Variants in NKTR observed in about 807,000 individuals in gnomAD.
NKTR encodes natural killer cell triggering receptor.
NKTR carries 67 observed loss-of-function variants against 156.3 expected under a neutral mutation model. The observed-to-expected ratio is 0.43, with a 90% CI of 0.35 to 0.53. NKTR has a LOEUF of 0.53. Ranked by LOEUF, NKTR falls within the 20% of genes least tolerant of loss-of-function variation. NKTR has a pLI of 0.01. For missense variants in NKTR, 1,604 were observed against 1,730.9 expected (o/e 0.93, Z 1.30); for synonymous variants, 640 against 596.6 (o/e 1.07, Z -1.06).
At chr3:42,642,946 G>A (rs940030789) in intron 14 of NKTR, among the ~76,000 whole-genome samples, 27 of 152,190 alleles carry the variant, frequency 1.8e-4, no homozygotes, top group Non-Finnish European at 4.4e-5. Flanking sequence ...GGACCAAGAG[G>A]AAGAAGTATA....
intron 2 of NKTR, among the ~76,000 whole-genome samples, chr3:42,605,951 A>G (rs865803678): frequency 2.0e-4 from 31 of 152,214 alleles, no homozygotes; most frequent in Non-Finnish European, 3.8e-4. Context: ...AAGGAGCACA[A>G]TTTTAATTAG....
intron 10 of NKTR, 37 bp downstream of exon 10, chr3:42,633,772 C>T: frequency 6.2e-7 from 1 of 1,611,230 alleles, no homozygotes; most frequent in Non-Finnish European, 8.5e-7. Flanking sequence ...TTTTATTTCT[C>T]CGATAACACT....
chr3:42,607,634 G>C (rs181324900), intron 2 of NKTR, among the ~76,000 whole-genome samples: 4 of 152,256 alleles, frequency 2.6e-5, no homozygotes, highest in African/African-American at 7.2e-5. Flanking sequence ...CAGTAAACTA[G>C]AAGGAACTCA....
chr3:42,624,073 C>T (rs938656567), intron 6 of NKTR, among the ~76,000 whole-genome samples: 5 of 152,050 alleles, frequency 3.3e-5, no homozygotes, highest in Non-Finnish European at 7.4e-5. Context: ...CTAAAAACTC[C>T]CCCTTCCTTA....
At chr3:42,610,255 C>T (rs1412492500) in intron 2 of NKTR, among the ~76,000 whole-genome samples, 2 of 152,158 alleles carry the variant, frequency 1.3e-5, no homozygotes, top group African/African-American at 4.8e-5. Context: ...CCGCGCCCCC[C>T]ACCGCCTCCC....
At chr3:42,621,274 T>C (rs1370265832) in intron 5 of NKTR, 155 bp from the exon 6 acceptor site, 1 of 1,327,326 alleles carries the variant, frequency 7.5e-7, no homozygotes, top group Non-Finnish European at 9.6e-7. Flanking sequence ...TTTTGTTATT[T>C]GATTAGCTTA....
rs1195520787 is a variant in NKTR at position 42,636,952 on chromosome 3, A to T, written c.1248A>T (p.Ser416=). ...SRSWSYNGYY[S]DLSTARHSGH... ...CATGGTCCTATAATGGATATTATTC[A>T]GACCTTAGTACAGCAAGACACTCTG... Residue 416 remains serine (S), a synonymous_variant, in exon 13 of 17, where the codon TCA becomes TCT. Coordinates refer to ENST00000232978, the MANE Select transcript of NKTR (RefSeq NM_005385.4). 3 of 1,607,620 alleles carry T rather than the reference A, an allele frequency of 1.9e-6. No homozygotes were observed. Among genetic ancestry groups the T allele is most frequent in the Non-Finnish European group, 1.7e-6 (2 of 1,178,560 alleles).
intron 5 of NKTR, chr3:42,620,171 T>C: frequency 7.4e-7 from 1 of 1,343,892 alleles, no homozygotes; most frequent in African/African-American, 1.5e-5. Flanking sequence ...TGGAAAATTC[T>C]GTGTATTATT....
intron 2 of NKTR, among the ~76,000 whole-genome samples, chr3:42,607,969 C>CTTTTTTGTTTTT (rs1706385679): frequency 1.3e-5 from 1 of 74,906 alleles, no homozygotes; most frequent in Non-Finnish European, 2.9e-5. Flanking sequence ...CTGAGTCGCT[C>CTTTTTTGTTTTT]TTTTTTTTTT....
rs1259382728 is a variant in NKTR at position 42,600,744 on chromosome 3, C to T, written c.-58C>T. The T allele has an allele frequency of 5.1e-5, 17 of 335,086 alleles. No individual in the cohort carries two copies. Among genetic ancestry groups the T allele is most frequent in the Non-Finnish European group, 1.6e-5 (3 of 183,794 alleles). 20.8% of individuals were successfully genotyped at this position (335,086 alleles called of 1,614,324 possible). A position where few individuals can be genotyped will look rare whatever the true frequency, so the allele number is the denominator to read the frequency against. On this transcript the variant is annotated 5_prime_UTR_variant, in exon 1 of 17. Coordinates refer to ENST00000232978, the MANE Select transcript of NKTR (RefSeq NM_005385.4). The stretch of plus-strand genomic sequence containing the variant: ...TGCAGTGGCAGTGCTTTCTCTTCTG[C>T]TCACGGGGACCCGCTCAGGCTGGAG...
At chr3:42,609,013 A>G (rs1706512989) in intron 2 of NKTR, among the ~76,000 whole-genome samples, 1 of 152,158 alleles carries the variant, frequency 6.6e-6, no homozygotes, top group African/African-American at 2.4e-5. Flanking sequence ...CTGTAATCAC[A>G]GCTACTCAGG....
chr3:42,635,001 CTT>C (rs1446363119), intron 11 of NKTR: 6 of 434,272 alleles, frequency 1.4e-5, no homozygotes, highest in Non-Finnish European at 2.4e-5. Flanking sequence ...TTGCCCATCT[CTT>C]TTAATGCCTT....
chr3:42,630,302 G>T (rs1344471623), intron 6 of NKTR: 3 of 1,257,580 alleles, frequency 2.4e-6, no homozygotes, highest in Non-Finnish European at 3.0e-6. Flanking sequence ...TCATATGTAT[G>T]CATACATATA....
intron 6 of NKTR, chr3:42,630,075 A>G (rs1459283544): frequency 5.1e-6 from 5 of 985,968 alleles, no homozygotes; most frequent in Non-Finnish European, 4.8e-6. Context: ...CTGACTCAGT[A>G]TGAGAAATAA....
chr3:42,635,045 A>C, intron 11 of NKTR, 176 bp from the exon 12 acceptor site: 1 of 455,964 alleles, frequency 2.2e-6, no homozygotes. Flanking sequence ...ACCTAAAATA[A>C]AAGTTAAAAA....
chr3:42,647,683 C>T lies in NKTR; in HGVS notation c.*1708C>T, dbSNP rs912940577. The T allele has an allele frequency of 1.3e-5, 2 of 151,934 alleles. No individual in the cohort carries two copies. The highest frequency in any genetic ancestry group is 2.4e-5 in the African/African-American group (1 of 41,344). The allele number at this position is 151,934 out of a possible 1,614,324, so 9.4% of individuals were successfully genotyped here. A position where few individuals can be genotyped will look rare whatever the true frequency, so the allele number is the denominator to read the frequency against. On this transcript the variant is annotated 3_prime_UTR_variant, in exon 17 of 17. Coordinates refer to ENST00000232978, the MANE Select transcript of NKTR (RefSeq NM_005385.4). ...CAGTATGATTTATATTAAAGGTTTC[C>T]AAAGGTTGCCTGCAAAGGAGAATAT... is the stretch of plus-strand genomic sequence containing the variant.
rs376527626 is a variant in NKTR, at chr3:42,600,971, C to T, written c.-23-13C>T. The T allele has an allele frequency of 3.7e-5, 56 of 1,513,214 alleles. No individual in the cohort carries two copies. In the African/African-American group the frequency reaches 5.6e-4, roughly 15 times the overall value. 93.7% of individuals were successfully genotyped at this position (1,513,214 alleles called of 1,614,324 possible). A position where few individuals can be genotyped will look rare whatever the true frequency, so the allele number is the denominator to read the frequency against. ...GCCCCTGCCCTGACCGCTTTTCTCC[C>T]CCTCTCTCCCAGCTCTTGCCGCCAC... On this transcript the variant is annotated splice_polypyrimidine_tract_variant and intron_variant, in intron 1 of 16. Transcript: ENST00000232978.
intron 9 of NKTR, chr3:42,633,299 C>A: frequency 9.6e-7 from 1 of 1,043,284 alleles, no homozygotes; most frequent in South Asian, 2.3e-5. Context: ...ACCTAAGACC[C>A]CTAAAGTACT....
chr3:42,627,786 T>C (rs1263722355), intron 6 of NKTR: 1 of 984,068 alleles, frequency 1.0e-6, no homozygotes. Flanking sequence ...TAAGCATATA[T>C]AAATTTAAAC....
Sources: gnomAD v4.1 joint callset for allele counts (sites outside exome capture counted in the v4.1 genomes callset) on GRCh38, gnomAD v4.1.1 for gene constraint, MANE v1.5 for transcripts, NCBI Gene and HGNC (gene_info 2026-07-23, HGNC 2026-07-21) for gene names.